Variants in ASB2 observed in about 807,000 individuals in gnomAD.
The protein encoded by ASB2 is ankyrin repeat and SOCS box containing 2, also known as ankyrin repeat and SOCS box protein 2.
Under a neutral mutation model 62.4 loss-of-function variants are expected in ASB2, and 58 were observed. That is an observed-to-expected ratio of 0.93 (90% confidence interval 0.75 to 1.16). The LOEUF (loss-of-function observed/expected upper bound fraction) is 1.16. Ranked by LOEUF, ASB2 falls within the 50% of genes most tolerant of loss-of-function variation. ASB2 has a pLI of 0.00. For missense variants in ASB2, 928 were observed against 887.9 expected, an observed-to-expected ratio of 1.05 and a Z score of -0.57; for synonymous variants, 386 against 385.3, an observed-to-expected ratio of 1.00 and a Z score of -0.02.
Position 93,964,399 on chromosome 14 carries a change from G to A in ASB2, c.141C>T (p.Thr47=), listed in dbSNP as rs546810978. ...QSLADKTRGP[T]TAEATASACT... ...ATGCAGACGCGGTGGCCTCAGCAGT[G>A]GTTGGGCCCCTTGTCTTGTCCGCTA... The change falls in exon 2 of 10, where the codon ACC becomes ACT. Residue 47 remains threonine, a synonymous_variant. Coordinates refer to ENST00000555019, the MANE Select transcript of ASB2 (RefSeq NM_001202429.2). 3.5e-5 allele frequency: 54 copies of A among 1,535,980 alleles called. No individual in the cohort carries two copies. The highest frequency in any genetic ancestry group is 4.6e-5 in the Non-Finnish European group (53 of 1,146,906).
In ASB2 at chr14:93,964,370, G is replaced by T; in HGVS notation, c.170C>A (p.Thr57Asn). ...GTAGAAATGGGCAGGTTGGCGGTTG[G>T]TACATGCAGACGCGGTGGCCTCAGC... is the stretch of plus-strand genomic sequence containing the variant. Reference protein sequence around the residue: ...TTAEATASACTNRQPAHFYPW... With the variant: ...TTAEATASACNNRQPAHFYPW... Residue 57 changes from threonine (T) to asparagine (N), a missense_variant, in exon 2 of 10, where the codon ACC becomes AAC. By Grantham distance (65) the Thr-to-Asn change is moderately conservative. Coordinates refer to ENST00000555019, the MANE Select transcript of ASB2 (RefSeq NM_001202429.2). The T allele has an allele frequency of 1.3e-6, 2 of 1,536,160 alleles. No homozygotes were observed. The highest frequency in any genetic ancestry group is 1.7e-6 in the Non-Finnish European group (2 of 1,146,922).
In ASB2 at chr14:93,934,387, G is replaced by A; in HGVS notation, c.*269C>T. On this transcript the variant is annotated 3_prime_UTR_variant, in exon 10 of 10. Transcript: ENST00000555019. ...CTCTGCCCTGGCCCCAGGAATAGAG[G>A]TTTCTGCCATTCCTGAAGGTAGAGA... 2 of 471,960 alleles carry A rather than the reference G, an allele frequency of 4.2e-6. No homozygotes were observed. Among genetic ancestry groups the A allele is most frequent in the Non-Finnish European group, 3.9e-6 (1 of 257,164 alleles). The allele number at this position is 471,960 out of a possible 1,614,324, so 29.2% of individuals were successfully genotyped here. A position where few individuals can be genotyped will look rare whatever the true frequency, so the allele number is the denominator to read the frequency against.
intron 2 of ASB2, among the ~76,000 whole-genome samples, chr14:93,963,622 A>G (rs1329446760): frequency 6.6e-6 from 1 of 152,166 alleles, no homozygotes; most frequent in Non-Finnish European, 1.5e-5. Flanking sequence ...TGTAAAATAC[A>G]CACTGGATTT....
In ASB2 at chr14:93,941,650, GCTC is replaced by G. The variant is rs745738087; in HGVS notation, c.1053-1981_1053-1979del. ...TGGATGGCGGCCACGGCCAACAAAT[GCTC>G]TGCTAACAGCTGTAACGTGCCCAAG... On this transcript the variant is annotated intron_variant, in intron 7 of 9. Transcript: ENST00000555019. The G allele has an allele frequency of 2.1e-3, 971 of 455,944 alleles. 11 individuals carry two copies. The highest frequency in any genetic ancestry group is 0.017 in the African/African-American group (866 of 50,100). The allele number at this position is 455,944 out of a possible 1,614,324, so 28.2% of individuals were successfully genotyped here.
chr14:93,962,004 C>T (rs1305165185), intron 2 of ASB2, among the ~76,000 whole-genome samples: 1 of 151,864 alleles, frequency 6.6e-6, no homozygotes, highest in Non-Finnish European at 1.5e-5. Context: ...CAGAAGCAAT[C>T]CACTTTGGGT....
intron 2 of ASB2, among the ~76,000 whole-genome samples, chr14:93,962,107 C>CTTTTTTTTTTTTTT (rs35800977): frequency 1.4e-5 from 1 of 72,998 alleles, no homozygotes; most frequent in Non-Finnish European, 2.4e-5. Context: ...ATTAAACATT[C>CTTTTTTTTTTTTTT]TTTTTTTTTT....
chr14:93,960,510 C>T (rs1322585189), intron 2 of ASB2, among the ~76,000 whole-genome samples: 1 of 152,196 alleles, frequency 6.6e-6, no homozygotes, highest in Admixed American at 6.5e-5. Context: ...AAATGAAATG[C>T]AGAGGTTTAA....
chr14:93,940,912 G>A (rs999265789), intron 7 of ASB2, among the ~76,000 whole-genome samples: 17 of 152,188 alleles, frequency 1.1e-4, no homozygotes, highest in Non-Finnish European at 1.8e-4. Context: ...TTTGAACCCA[G>A]GCAGTCTGAC....
chr14:93,965,653 A>G (rs1368575586), intron 1 of ASB2, among the ~76,000 whole-genome samples: 1 of 152,232 alleles, frequency 6.6e-6, no homozygotes, highest in Non-Finnish European at 1.5e-5. Flanking sequence ...ACATTGAATC[A>G]CATGGCCCTC....
At position 93,937,854 on chromosome 14, in the gene ASB2, GAA is replaced by G. The variant is rs1888330298; in HGVS notation, c.1618-5_1618-4del. 1 of 1,591,716 alleles carries G rather than the reference GAA, an allele frequency of 6.3e-7. No homozygotes were observed. Among genetic ancestry groups the G allele is most frequent in the South Asian group, 1.1e-5 (1 of 90,270 alleles). Reference sequence around the variant, plus strand: ...GGGGCAGATACGAACTCACAGAACTGAAAGAGAACATGCCGGGACCAAGAAGT... The same window carrying G: ...GGGGCAGATACGAACTCACAGAACTGAGAGAACATGCCGGGACCAAGAAGT... On this transcript the variant is annotated splice_polypyrimidine_tract_variant and splice_region_variant and intron_variant, in intron 8 of 9. Transcript: ENST00000555019.
At chr14:93,967,286 G>A (rs1889622723) in intron 1 of ASB2, among the ~76,000 whole-genome samples, 1 of 152,224 alleles carries the variant, frequency 6.6e-6, no homozygotes, top group African/African-American at 2.4e-5. Flanking sequence ...AGTTGGCCCA[G>A]GTCTGCCTTC....
intron 2 of ASB2, among the ~76,000 whole-genome samples, chr14:93,962,429 C>T (rs1050347415): frequency 5.9e-5 from 9 of 152,160 alleles, no homozygotes; most frequent in South Asian, 2.1e-4. Flanking sequence ...GAGGCGAAGG[C>T]GCAGAACCGA....
At chr14:93,956,227 C>T (rs1222381662) in intron 3 of ASB2, among the ~76,000 whole-genome samples, 1 of 152,112 alleles carries the variant, frequency 6.6e-6, no homozygotes, top group Non-Finnish European at 1.5e-5. Flanking sequence ...CAAACAGAGC[C>T]CCTGCAGCTT....
chr14:93,958,432 G>A (rs755626747), intron 2 of ASB2, among the ~76,000 whole-genome samples: 1 of 152,146 alleles, frequency 6.6e-6, no homozygotes, highest in South Asian at 2.1e-4. Context: ...TGAAGGCCTG[G>A]CCTCTTCCTG....
At chr14:93,959,028 T>C (rs960722971) in intron 2 of ASB2, among the ~76,000 whole-genome samples, 6 of 152,220 alleles carry the variant, frequency 3.9e-5, no homozygotes, top group Non-Finnish European at 8.8e-5. Context: ...CTAACAACTG[T>C]GCAGGGCAAA....
At chr14:93,959,334 C>G (rs760382429) in intron 2 of ASB2, among the ~76,000 whole-genome samples, 1 of 152,180 alleles carries the variant, frequency 6.6e-6, no homozygotes, top group South Asian at 2.1e-4. Flanking sequence ...CAGAAGGGCT[C>G]ATTCTGGGAG....
Position 93,970,888 on chromosome 14 carries a change from C to T in ASB2, c.-74+5546G>A, listed in dbSNP as rs1889738959. ...GGTGTTGTCAGGTGAAATTAGGTGA[C>T]AGGTATAAATGTGGAGCACCTGGCA... On this transcript the variant is annotated intron_variant, in intron 1 of 9. Coordinates refer to ENST00000555019, the MANE Select transcript of ASB2 (RefSeq NM_001202429.2). Among the ~76,000 whole-genome samples the T allele has an allele frequency of 5.9e-5, 9 of 152,188 alleles. No individual in the cohort carries two copies. In the South Asian group the frequency reaches 1.9e-3, roughly 32 times the overall value.
rs114990993 is a variant in ASB2, at chr14:93,959,764, G to A, written c.207-2894C>T. 4.6e-3 allele frequency among the ~76,000 whole-genome samples: 696 copies of A among 152,226 alleles called. 10 individuals carry two copies. Among genetic ancestry groups the A allele is most frequent in the African/African-American group, 0.016 (674 of 41,530 alleles). On this transcript the variant is annotated intron_variant, in intron 2 of 9. Coordinates refer to ENST00000555019, the MANE Select transcript of ASB2 (RefSeq NM_001202429.2). The stretch of plus-strand genomic sequence containing the variant: ...GAGCAGAGAATGGGCTGGCAGGACA[G>A]TGCTCCTAGCCTCTCGGTGAGTCAA...
At chr14:93,951,679 C>T (rs115352518) in intron 5 of ASB2, among the ~76,000 whole-genome samples, 1,863 of 152,274 alleles carry the variant, frequency 0.012, 43 homozygotes, top group African/African-American at 0.043. Context: ...TCTCTGTCCC[C>T]TGGGATGTCC....
Sources: allele counts gnomAD v4.1 joint callset (sites outside exome capture counted in the v4.1 genomes callset), GRCh38; gene constraint gnomAD v4.1.1; transcripts MANE v1.5; gene names NCBI Gene and HGNC (gene_info 2026-07-23, HGNC 2026-07-21).